Variants in EXOC6B observed in about 807,000 individuals in gnomAD.
EXOC6B encodes the protein exocyst complex component 6B.
Under a neutral mutation model 113.5 loss-of-function variants are expected in EXOC6B, and 54 were observed. The ratio of observed to expected loss-of-function variants is 0.48; its 90% CI spans 0.38 to 0.60. EXOC6B has a LOEUF of 0.60. Ranked by LOEUF, EXOC6B falls within the 20% of genes least tolerant of loss-of-function variation. The pLI is 0.00. For missense variants in EXOC6B, 797 were observed against 977.5 expected (o/e 0.82, Z 2.46); for synonymous variants, 357 against 339.0 (o/e 1.05, Z -0.58).
At chr2:72,647,036 G>T (rs1673776951) in intron 6 of EXOC6B, among the ~76,000 whole-genome samples, 1 of 152,074 alleles carries the variant, frequency 6.6e-6, no homozygotes, top group African/African-American at 2.4e-5. Flanking sequence ...TGACATGATT[G>T]TATATTTAGA....
At chr2:72,223,311 G>A (rs1333279553) in intron 20 of EXOC6B, among the ~76,000 whole-genome samples, 8 of 152,200 alleles carry the variant, frequency 5.3e-5, no homozygotes, top group Admixed American at 5.2e-4. Context: ...TTGGGAAAGT[G>A]AGTAAACCAC....
At chr2:72,639,977 A>G (rs1673111662) in intron 6 of EXOC6B, among the ~76,000 whole-genome samples, 1 of 152,220 alleles carries the variant, frequency 6.6e-6, no homozygotes, top group South Asian at 2.1e-4. Context: ...CCTCCAAACA[A>G]TGGCACCACC....
intron 1 of EXOC6B, among the ~76,000 whole-genome samples, chr2:72,811,039 A>C (rs1352063590): frequency 2.0e-5 from 3 of 152,080 alleles, no homozygotes; most frequent in Admixed American, 1.3e-4. Flanking sequence ...TCAAAAAAAA[A>C]ACAACACAAT....
In EXOC6B at chr2:72,758,782, T is replaced by C. The variant is rs921164335; in HGVS notation, c.114-17313A>G. ...TTCACTGCAAAGCAACCAATCCCAT[T>C]TCAACAGCTGTTGCAAAGTTCTTAT... On this transcript the variant is annotated intron_variant, in intron 1 of 21. Coordinates refer to ENST00000272427, the MANE Select transcript of EXOC6B (RefSeq NM_015189.3). Among the ~76,000 whole-genome samples the C allele has an allele frequency of 3.9e-5, 6 of 152,214 alleles. 1 individual carries two copies. Among genetic ancestry groups the C allele is most frequent in the Admixed American group, 1.3e-4 (2 of 15,278 alleles).
chr2:72,763,140 A>G (rs1369050580), intron 1 of EXOC6B, among the ~76,000 whole-genome samples: 1 of 152,190 alleles, frequency 6.6e-6, no homozygotes, highest in African/African-American at 2.4e-5. Context: ...ATAAAGAGAA[A>G]AAAAAAGATA....
intron 20 of EXOC6B, among the ~76,000 whole-genome samples, chr2:72,270,190 A>G (rs1684398690): frequency 6.6e-6 from 1 of 152,122 alleles, no homozygotes; most frequent in African/African-American, 2.4e-5. Flanking sequence ...CAGAGGTCAC[A>G]GCAATGAGAT....
chr2:72,564,264 A>G (rs1007459325), intron 7 of EXOC6B, among the ~76,000 whole-genome samples: 1 of 152,176 alleles, frequency 6.6e-6, no homozygotes, highest in Non-Finnish European at 1.5e-5. Flanking sequence ...ACACAAATAC[A>G]CAGACACACA....
At chr2:72,418,779 A>G (rs1192076058) in intron 18 of EXOC6B, among the ~76,000 whole-genome samples, 1 of 152,110 alleles carries the variant, frequency 6.6e-6, no homozygotes, top group African/African-American at 2.4e-5. Flanking sequence ...CTGTCCTTTG[A>G]CTGGAGAGGT....
chr2:72,497,449 A>G (rs570041679), intron 13 of EXOC6B, among the ~76,000 whole-genome samples: 1 of 152,256 alleles, frequency 6.6e-6, no homozygotes, highest in South Asian at 2.1e-4. Context: ...ATTCTCTAAT[A>G]GTAGGGAACA....
intron 6 of EXOC6B, among the ~76,000 whole-genome samples, chr2:72,696,096 C>CCATAG (rs1677858147): frequency 6.6e-6 from 1 of 152,176 alleles, no homozygotes. Context: ...TCCTTACTCT[C>CCATAG]CATATGTCAG....
chr2:72,481,229 T>G (rs967054486), intron 16 of EXOC6B, among the ~76,000 whole-genome samples: 5 of 152,208 alleles, frequency 3.3e-5, no homozygotes, highest in African/African-American at 9.7e-5. Flanking sequence ...GTGAGTAAAT[T>G]AAACCTCTTT....
chr2:72,637,003 T>C (rs1558867679), intron 6 of EXOC6B, among the ~76,000 whole-genome samples: 1 of 150,982 alleles, frequency 6.6e-6, no homozygotes, highest in Non-Finnish European at 1.5e-5. Context: ...AAAAGACCAA[T>C]TTCATTTGAA....
At chr2:72,659,407 C>A (rs911696985) in intron 6 of EXOC6B, among the ~76,000 whole-genome samples, 2 of 152,122 alleles carry the variant, frequency 1.3e-5, no homozygotes, top group African/African-American at 4.8e-5. Flanking sequence ...TCATGATTCA[C>A]TTTACACTGA....
At chr2:72,641,747 C>T (rs915252667) in intron 6 of EXOC6B, among the ~76,000 whole-genome samples, 7 of 152,252 alleles carry the variant, frequency 4.6e-5, no homozygotes, top group African/African-American at 1.7e-4. Flanking sequence ...TGAGAACAGA[C>T]AGACTGCCTC....
intron 1 of EXOC6B, among the ~76,000 whole-genome samples, chr2:72,798,946 ATG>A (rs1393062526): frequency 6.6e-6 from 1 of 152,156 alleles, no homozygotes; most frequent in African/African-American, 2.4e-5. Context: ...TACATATAAA[ATG>A]TGTTCTAAGG....
intron 6 of EXOC6B, among the ~76,000 whole-genome samples, chr2:72,595,109 A>G (rs766524320): frequency 2.0e-5 from 3 of 151,862 alleles, no homozygotes; most frequent in Non-Finnish European, 4.4e-5. Context: ...AAATACACAA[A>G]AATTAGCCAG....
chr2:72,287,415 A>G, intron 20 of EXOC6B, among the ~76,000 whole-genome samples: 1 of 148,398 alleles, frequency 6.7e-6, no homozygotes, highest in African/African-American at 2.5e-5. Context: ...TGGCCGACAG[A>G]GTGAGACTTC....
intron 20 of EXOC6B, among the ~76,000 whole-genome samples, chr2:72,238,159 T>C (rs1027072810): frequency 6.6e-6 from 1 of 152,232 alleles, no homozygotes; most frequent in Non-Finnish European, 1.5e-5. Context: ...GATGGAATCA[T>C]ATAATATGTG....
Position 72,753,965 on chromosome 2 carries a change from A to G in EXOC6B, c.114-12496T>C, listed in dbSNP as rs556357247. On this transcript the variant is annotated intron_variant, in intron 1 of 21. Coordinates refer to ENST00000272427, the MANE Select transcript of EXOC6B (RefSeq NM_015189.3). ...GATTTGTTTTTGTTTTTGTTTTGAG[A>G]CAGGGTCTCACTCTGTGTCCCAGGC... Among the ~76,000 whole-genome samples, 32 of 152,216 alleles carry G rather than the reference A, an allele frequency of 2.1e-4. No individual in the cohort carries two copies. The South Asian group carries it at 6.6e-3, about 32-fold the overall frequency.
Sources: gnomAD v4.1 joint callset for allele counts (sites outside exome capture counted in the v4.1 genomes callset) on GRCh38, gnomAD v4.1.1 for gene constraint, MANE v1.5 for transcripts, NCBI Gene and HGNC (gene_info 2026-07-23, HGNC 2026-07-21) for gene names.